The following ST7 variants were observed in gnomAD, a reference collection of about 807,000 sequenced individuals.
ST7 encodes the protein suppression of tumorigenicity 7.
In ST7, 28 loss-of-function variants were observed where a neutral mutation model predicts 78.7. That is an observed-to-expected ratio of 0.36 (90% CI 0.26 to 0.49). ST7 has a LOEUF of 0.49. ST7 is among the 20% of genes least tolerant of loss of function. ST7 has a pLI of 0.99. For missense variants in ST7, 418 were observed against 696.0 expected, an observed-to-expected ratio of 0.60 and a Z score of 4.49; for synonymous variants, 247 against 249.6, an observed-to-expected ratio of 0.99 and a Z score of 0.10.
At chr7:117,185,544 A>G (rs111641989) in intron 10 of ST7, among the ~76,000 whole-genome samples, 2 of 152,356 alleles carry the variant, frequency 1.3e-5, no homozygotes, top group East Asian at 1.9e-4. Context: ...CCTCCAGTGG[A>G]TGCCTGAAAC....
At chr7:117,047,500 C>T (rs1452745472) in intron 1 of ST7, among the ~76,000 whole-genome samples, 1 of 152,084 alleles carries the variant, frequency 6.6e-6, no homozygotes, top group Non-Finnish European at 1.5e-5. Context: ...TTTAGAGAGT[C>T]CTCTAGGAAA....
intron 1 of ST7, among the ~76,000 whole-genome samples, chr7:116,960,114 C>A (rs1448372139): frequency 6.6e-6 from 1 of 152,092 alleles, no homozygotes; most frequent in Non-Finnish European, 1.5e-5. Context: ...CTCTTTCTTA[C>A]CCCTCAAATC....
chr7:117,184,461 G>A (rs1292406953), intron 10 of ST7, among the ~76,000 whole-genome samples: 1 of 152,222 alleles, frequency 6.6e-6, no homozygotes, highest in Non-Finnish European at 1.5e-5. Context: ...ATATTGGAAA[G>A]CGGATGATTT....
chr7:116,955,644 A>G (rs1792430882), intron 1 of ST7, among the ~76,000 whole-genome samples: 1 of 152,096 alleles, frequency 6.6e-6, no homozygotes, highest in Admixed American at 6.5e-5. Flanking sequence ...CATGATATAC[A>G]TTTGTATATC....
intron 1 of ST7, among the ~76,000 whole-genome samples, chr7:116,999,558 G>T (rs1794825860): frequency 6.6e-6 from 1 of 152,164 alleles, no homozygotes; most frequent in Non-Finnish European, 1.5e-5. Flanking sequence ...CATTGTGAGT[G>T]ATGGCATACC....
rs1476166907 is a variant in ST7, at chr7:117,137,252, C to G, written c.865+1017C>G. ...ATCTTTGCATTATAGCCTGCATATA[C>G]ATGAGTATGTCCTCACATGTACCAC... On this transcript the variant is annotated intron_variant, in intron 8 of 15. Transcript: ENST00000323984. 2.0e-5 allele frequency: 3 copies of G among 152,254 alleles called. No homozygotes were observed. In the East Asian group the frequency reaches 5.8e-4, roughly 29 times the overall value. 9.4% of individuals were successfully genotyped at this position (152,254 alleles called of 1,614,324 possible). A position where few individuals can be genotyped will look rare whatever the true frequency, so the allele number is the denominator to read the frequency against.
intron 2 of ST7, among the ~76,000 whole-genome samples, chr7:117,101,561 A>G (rs1801569718): frequency 6.6e-6 from 1 of 152,218 alleles, no homozygotes; most frequent in African/African-American, 2.4e-5. Flanking sequence ...TTGGTTCTCC[A>G]CATATGGTCA....
At chr7:117,090,797 C>T (rs886784389) in intron 1 of ST7, 9 of 167,012 alleles carry the variant, frequency 5.4e-5, no homozygotes, top group Non-Finnish European at 1.2e-4. Context: ...GGGAACAGAT[C>T]GTCTGAGATC....
rs541371043 is a variant in ST7, at chr7:117,223,293, T to C, written c.1638+1231T>C. ...TAACTGGTCTCCTTGCTTCCTGTCTTATCCTCCACCGTCTTTCTTTTATAC... is the reference window on the plus strand; with the variant it reads ...TAACTGGTCTCCTTGCTTCCTGTCTCATCCTCCACCGTCTTTCTTTTATAC... On this transcript the variant is annotated intron_variant, in intron 15 of 15. Transcript: ENST00000323984. 21 of 329,360 alleles carry C rather than the reference T, an allele frequency of 6.4e-5. No individual in the cohort carries two copies. In the South Asian group the frequency reaches 7.3e-4, roughly 11 times the overall value. 20.4% of individuals were successfully genotyped at this position (329,360 alleles called of 1,614,324 possible). A position where few individuals can be genotyped will look rare whatever the true frequency, so the allele number is the denominator to read the frequency against.
intron 13 of ST7, among the ~76,000 whole-genome samples, chr7:117,215,406 A>G (rs1792616588): frequency 6.6e-6 from 1 of 152,170 alleles, no homozygotes; most frequent in South Asian, 2.1e-4. Context: ...CTAGAGTATG[A>G]CCTGACAGAG....
At chr7:117,014,912 G>A in intron 1 of ST7, 1 of 1,187,738 alleles carries the variant, frequency 8.4e-7, no homozygotes, top group African/African-American at 1.6e-5. Flanking sequence ...GGCTTCCCCA[G>A]AACGGTTCGT....
intron 9 of ST7, among the ~76,000 whole-genome samples, chr7:117,151,708 T>C (rs1432898581): frequency 6.6e-6 from 1 of 152,206 alleles, no homozygotes; most frequent in Non-Finnish European, 1.5e-5. Context: ...AGATAGGCAC[T>C]CAATTAATTT....
At chr7:117,130,684 C>T (rs1804275213) in intron 5 of ST7, 78 bp downstream of exon 5, 3 of 1,021,138 alleles carry the variant, frequency 2.9e-6, no homozygotes, top group African/African-American at 1.6e-5. Context: ...TTAGAATATC[C>T]ACTCTGTAAA....
intron 2 of ST7, among the ~76,000 whole-genome samples, chr7:117,101,399 C>G (rs752799671): frequency 6.6e-6 from 1 of 152,152 alleles, no homozygotes; most frequent in African/African-American, 2.4e-5. Flanking sequence ...AGCTCTTTCT[C>G]TACAAGAGAT....
At chr7:117,140,320 T>C (rs951110807) in intron 9 of ST7, among the ~76,000 whole-genome samples, 1 of 152,180 alleles carries the variant, frequency 6.6e-6, no homozygotes, top group Non-Finnish European at 1.5e-5. Flanking sequence ...TGGATGTGGA[T>C]CTCAGCTTTG....
At chr7:117,137,161 A>G (rs1324709865) in intron 8 of ST7, 2 of 152,146 alleles carry the variant, frequency 1.3e-5, no homozygotes, top group Non-Finnish European at 2.9e-5. Flanking sequence ...ATTAAATGTT[A>G]ACGTTAAACT....
At chr7:117,087,457 A>G (rs1343478044) in intron 1 of ST7, among the ~76,000 whole-genome samples, 1 of 152,244 alleles carries the variant, frequency 6.6e-6, no homozygotes, top group Non-Finnish European at 1.5e-5. Flanking sequence ...GAAAGGAGAC[A>G]CATTCATAAT....
At chr7:116,989,863 T>C in intron 1 of ST7, among the ~76,000 whole-genome samples, 1 of 152,148 alleles carries the variant, frequency 6.6e-6, no homozygotes, top group Non-Finnish European at 1.5e-5. Flanking sequence ...TTTTTCCTTG[T>C]GTCTGGTGAT....
intron 1 of ST7, among the ~76,000 whole-genome samples, chr7:117,035,094 A>G (rs904271449): frequency 2.0e-5 from 3 of 148,118 alleles, no homozygotes; most frequent in Non-Finnish European, 4.4e-5. Flanking sequence ...ATTTAATTCC[A>G]TGCAGAGGAC....
Sources: gnomAD v4.1 joint callset for allele counts (sites outside exome capture counted in the v4.1 genomes callset) on GRCh38, gnomAD v4.1.1 for gene constraint, MANE v1.5 for transcripts, NCBI Gene and HGNC (gene_info 2026-07-23, HGNC 2026-07-21) for gene names.